Variants in KAT6A observed in about 807,000 individuals in gnomAD.
The protein encoded by KAT6A is lysine acetyltransferase 6A, also known as histone acetyltransferase KAT6A.
Under a neutral mutation model 198.4 loss-of-function variants are expected in KAT6A, and 9 were observed. The observed-to-expected ratio is 0.05, with a 90% CI of 0.03 to 0.08. The LOEUF (loss-of-function observed/expected upper bound fraction) is 0.08, where lower values mean the gene tolerates loss of function less well. Among genes scored for constraint, KAT6A ranks in the 10% least tolerant of loss-of-function variants. The pLI, the probability that KAT6A is intolerant of heterozygous loss-of-function variation, is 1.00. For synonymous variants in KAT6A, 890 were observed against 883.0 expected, an observed-to-expected ratio of 1.01 and a Z score of -0.14; for missense variants, 2,077 against 2,509.9, an observed-to-expected ratio of 0.83 and a Z score of 3.69.
At chr8:41,988,388 T>A (rs893876361) in intron 2 of KAT6A, among the ~76,000 whole-genome samples, 3 of 152,236 alleles carry the variant, frequency 2.0e-5, no homozygotes, top group African/African-American at 7.2e-5. Flanking sequence ...ATACATTAAA[T>A]ATTTGCTTTT....
At position 41,937,345 on chromosome 8, in the gene KAT6A, A is replaced by G. The variant is rs770430527; in HGVS notation, c.3263T>C (p.Leu1088Ser). The change falls in exon 16 of 17, where the codon TTG becomes TCG. Residue 1088 changes from leucine (L) to serine (S), a missense_variant. Around this residue, in one of 13 missense-constraint regions of KAT6A, gnomAD observed 375 missense variants for 383.0 expected, o/e 0.98. Transcript: ENST00000265713. ...ACACCTGAGTACATCCTGCGAAGAC[A>G]AACGACGGAAGTATTCTCTAGGGAA... ...ELFPREYFRR[L>S]SSQDVLRCQS... 2 of 1,614,106 alleles carry G rather than the reference A, an allele frequency of 1.2e-6. No homozygotes were observed. Among genetic ancestry groups the G allele is most frequent in the South Asian group, 2.2e-5 (2 of 91,074 alleles).
chr8:42,025,855 T>C (rs1020387842), intron 2 of KAT6A, among the ~76,000 whole-genome samples: 1 of 152,194 alleles, frequency 6.6e-6, no homozygotes, highest in Non-Finnish European at 1.5e-5. Context: ...TAAGCTTTCT[T>C]GTTTTCTTGT....
chr8:41,976,861 A>G (rs1206211318), intron 7 of KAT6A, 147 bp downstream of exon 7: 1 of 671,364 alleles, frequency 1.5e-6, no homozygotes, highest in African/African-American at 1.8e-5. Flanking sequence ...TCACCTCAGT[A>G]TCATCTACAT....
chr8:42,051,341 G>A (rs961815274), intron 1 of KAT6A, among the ~76,000 whole-genome samples: 1 of 151,074 alleles, frequency 6.6e-6, no homozygotes, highest in Non-Finnish European at 1.5e-5. Flanking sequence ...TGTCAGCCCC[G>A]CTCGCCGCCT....
intron 9 of KAT6A, among the ~76,000 whole-genome samples, chr8:41,953,820 T>G (rs925589587): frequency 1.3e-5 from 2 of 152,202 alleles, no homozygotes; most frequent in African/African-American, 4.8e-5. Flanking sequence ...GAGGAATGAG[T>G]TAACTTGAAC....
At chr8:41,961,739 G>A (rs575839476) in intron 8 of KAT6A, among the ~76,000 whole-genome samples, 51 of 135,006 alleles carry the variant, frequency 3.8e-4, no homozygotes, top group African/African-American at 1.1e-3. Context: ...GTGACAGAGC[G>A]AGACTCCATC....
At chr8:42,023,383 A>G (rs141582082) in intron 2 of KAT6A, among the ~76,000 whole-genome samples, 1 of 152,178 alleles carries the variant, frequency 6.6e-6, no homozygotes, top group Admixed American at 6.5e-5. Flanking sequence ...CCTTACCACA[A>G]TGTAACTTTT....
At chr8:41,937,008 G>A (rs1821884397) in intron 16 of KAT6A, among the ~76,000 whole-genome samples, 1 of 152,218 alleles carries the variant, frequency 6.6e-6, no homozygotes, top group Admixed American at 6.5e-5. Context: ...GGGCAAAAAA[G>A]AACAGTTGCC....
intron 2 of KAT6A, 65 bp downstream of exon 2, chr8:42,048,313 A>G: frequency 6.5e-7 from 1 of 1,544,668 alleles, no homozygotes; most frequent in Non-Finnish European, 8.8e-7. Context: ...AACTTCCCAG[A>G]AATGTGAATT....
intron 8 of KAT6A, among the ~76,000 whole-genome samples, chr8:41,967,385 C>A (rs534955486): frequency 6.6e-6 from 1 of 150,724 alleles, no homozygotes; most frequent in East Asian, 1.9e-4. Context: ...CATGCTGGTG[C>A]GCTGCACCCA....
chr8:42,040,757 AAAAGAAAG>A (rs1222606154), intron 2 of KAT6A, among the ~76,000 whole-genome samples: 1 of 149,652 alleles, frequency 6.7e-6, no homozygotes, highest in Non-Finnish European at 1.5e-5. Flanking sequence ...AAAAAAAAAA[AAAAGAAAG>A]AAAGAAAGAA....
At chr8:42,003,728 A>G (rs1477679862) in intron 2 of KAT6A, among the ~76,000 whole-genome samples, 1 of 152,130 alleles carries the variant, frequency 6.6e-6, no homozygotes, top group Non-Finnish European at 1.5e-5. Flanking sequence ...ATGTGACTCT[A>G]TTTGGAGAGA....
intron 2 of KAT6A, among the ~76,000 whole-genome samples, chr8:42,014,539 T>C (rs1230095862): frequency 1.3e-5 from 2 of 152,226 alleles, no homozygotes; most frequent in Non-Finnish European, 2.9e-5. Flanking sequence ...AACCAGTTTC[T>C]TAAAACACAT....
chr8:42,032,791 T>C (rs1198264966), intron 2 of KAT6A, among the ~76,000 whole-genome samples: 1 of 151,970 alleles, frequency 6.6e-6, no homozygotes, highest in Non-Finnish European at 1.5e-5. Flanking sequence ...GTGACAACAG[T>C]TGTGGCTGGC....
At position 41,932,771 on chromosome 8, in the gene KAT6A, C is replaced by A. The variant is rs760447180; in HGVS notation, c.5449G>T (p.Ala1817Ser). Residue 1817 changes from alanine (A) to serine (S), a missense_variant, in exon 17 of 17, where the codon GCA (alanine) becomes TCA (serine). Physicochemically the swap from Ala to Ser is moderately conservative, Grantham distance 99. Around this residue, in one of 13 missense-constraint regions of KAT6A, gnomAD observed 500 missense variants for 577.2 expected, o/e 0.87. Coordinates refer to ENST00000265713, the MANE Select transcript of KAT6A (RefSeq NM_006766.5). ...GATGTGAGGTTCATGGTAGTGGATGCCAAGTTTGGGGGTGGCGTCATGGTG... is the reference window on the plus strand; with the variant it reads ...GATGTGAGGTTCATGGTAGTGGATGACAAGTTTGGGGGTGGCGTCATGGTG... ...QATMTPPPNL[A>S]STTMNLTSPL... 5.0e-6 allele frequency: 8 copies of A among 1,614,026 alleles called. No individual in the cohort carries two copies. The highest frequency in any genetic ancestry group is 6.8e-6 in the Non-Finnish European group (8 of 1,180,018).
rs1821480223 is a variant in KAT6A, at chr8:41,930,608, T to C, written c.*1597A>G. Reference sequence around the variant, plus strand: ...TTTCTCTAAGCAGTACTTCCCCCTTTTGGATATTTGACTGCACATACCAAG... The same window carrying C: ...TTTCTCTAAGCAGTACTTCCCCCTTCTGGATATTTGACTGCACATACCAAG... On this transcript the variant is annotated 3_prime_UTR_variant, in exon 17 of 17. Transcript: ENST00000265713. The C allele has an allele frequency of 5.5e-6, 1 of 182,214 alleles. No individual in the cohort carries two copies. The highest frequency in any genetic ancestry group is 1.2e-5 in the Non-Finnish European group (1 of 86,270). 11.3% of individuals were successfully genotyped at this position (182,214 alleles called of 1,614,324 possible). A position where few individuals can be genotyped will look rare whatever the true frequency, so the allele number is the denominator to read the frequency against.
chr8:42,031,362 A>C (rs1264265026), intron 2 of KAT6A, among the ~76,000 whole-genome samples: 1 of 152,184 alleles, frequency 6.6e-6, no homozygotes, highest in African/African-American at 2.4e-5. Context: ...CATTTCTAGA[A>C]TACATCTGAT....
At chr8:41,943,462 G>C (rs1822240359) in intron 13 of KAT6A, among the ~76,000 whole-genome samples, 1 of 152,002 alleles carries the variant, frequency 6.6e-6, no homozygotes, top group African/African-American at 2.4e-5. Flanking sequence ...TTCTTGTATT[G>C]TGAAAGAGCT....
chr8:41,956,925 A>G (rs1822947883), intron 8 of KAT6A: 1 of 415,818 alleles, frequency 2.4e-6, no homozygotes, highest in Admixed American at 3.2e-5. Context: ...CTTTTCATCT[A>G]TCTTCACAAC....
Sources: allele counts gnomAD v4.1 joint callset (sites outside exome capture counted in the v4.1 genomes callset), GRCh38; gene constraint gnomAD v4.1.1; regional missense constraint gnomAD v4.1.1; transcripts MANE v1.5; gene names NCBI Gene and HGNC (gene_info 2026-07-23, HGNC 2026-07-21).